Variants in ZNF746 observed in about 807,000 individuals in gnomAD.
The protein encoded by ZNF746 is parkin-interacting substrate.
In ZNF746, 13 loss-of-function variants were observed where a neutral mutation model predicts 41.0. That is an observed-to-expected ratio of 0.32 (90% CI 0.21 to 0.50). ZNF746 has a LOEUF of 0.50. Among genes scored for constraint, ZNF746 ranks in the 20% least tolerant of loss-of-function variants. The pLI is 0.98. For missense variants in ZNF746, 811 were observed against 922.9 expected, an observed-to-expected ratio of 0.88 and a Z score of 1.57; for synonymous variants, 424 against 396.2, an observed-to-expected ratio of 1.07 and a Z score of -0.83.
At position 149,475,359 on chromosome 7, in the gene ZNF746, G is replaced by T; in HGVS notation, c.1008C>A (p.Phe336Leu). The change falls in exon 7 of 7, where the codon TTC becomes TTA. Residue 336 changes from phenylalanine to leucine, a missense_variant. This residue lies in a region of ZNF746 where 495 missense variants were observed against 481.6 expected (regional missense o/e 1.03). Coordinates refer to ENST00000458143, the MANE Select transcript of ZNF746 (RefSeq NM_001394198.1). ...LFGPGQATRF[F>L]PSPAQEGAWE... ...AGGCTCCTTCCTGGGCAGGACTAGG[G>T]AAGAACCGTGTGGCTTGGCCTGGTC... is the stretch of plus-strand genomic sequence containing the variant. 1 of 1,614,148 alleles carries T rather than the reference G, an allele frequency of 6.2e-7. No homozygotes were observed. The highest frequency in any genetic ancestry group is 8.5e-7 in the Non-Finnish European group (1 of 1,180,020).
In ZNF746 at chr7:149,476,937, C is replaced by T. The variant is rs1800320038; in HGVS notation, c.868G>A (p.Ala290Thr). The change falls in exon 6 of 7, where the codon GCA (alanine) becomes ACA (threonine). Residue 290 changes from alanine to threonine, a missense_variant. This residue lies in a region of ZNF746 where 495 missense variants were observed against 481.6 expected (regional missense o/e 1.03). Transcript: ENST00000458143. Reference protein sequence around the residue: ...CSDGTLKLNTAASTEADVKIV... With the variant: ...CSDGTLKLNTTASTEADVKIV... ...CCACCTGTACCTTCCGTGGAGGCTG[C>T]TGTGTTGAGCTTCAGGGTCCCGTCC... 1.2e-5 allele frequency: 19 copies of T among 1,613,890 alleles called. No individual in the cohort carries two copies. Among genetic ancestry groups the T allele is most frequent in the Non-Finnish European group, 1.4e-5 (17 of 1,179,978 alleles).
intron 4 of ZNF746, among the ~76,000 whole-genome samples, chr7:149,492,288 T>C (rs548018936): frequency 6.6e-6 from 1 of 152,340 alleles, no homozygotes; most frequent in South Asian, 2.1e-4. Context: ...TTTATGATGC[T>C]CCACTTCCAC....
chr7:149,473,914 A>G lies in ZNF746; in HGVS notation c.*470T>C. 1 of 187,396 alleles carries G rather than the reference A, an allele frequency of 5.3e-6. No individual in the cohort carries two copies. The highest frequency in any genetic ancestry group is 5.3e-5 in the Admixed American group (1 of 18,734). The allele number at this position is 187,396 out of a possible 1,614,324, so 11.6% of individuals were successfully genotyped here. A position where few individuals can be genotyped will look rare whatever the true frequency, so the allele number is the denominator to read the frequency against. On this transcript the variant is annotated 3_prime_UTR_variant, in exon 7 of 7. Coordinates refer to ENST00000458143, the MANE Select transcript of ZNF746 (RefSeq NM_001394198.1). ...GGGGCTTGGTGCGCTAGGCCCACTC[A>G]GCCCAACTGGGCAGAGCAGGGGCAC...
chr7:149,494,237 C>T lies in ZNF746; in HGVS notation c.291G>A (p.Arg97=). Residue 97 remains arginine, a synonymous_variant, in exon 2 of 7, where the codon CGG becomes CGA. Transcript: ENST00000458143. This position sits in a 1 kb window ranked among gnomAD's most constrained non-coding sequence, Gnocchi z 5.6. ...LLRNRNFWIL[R]LPPGSKGESP... is the part of the protein sequence containing the mutation. ...ACTCCCCCTTGCTGCCCGGGGGCAG[C>T]CGCAGGATCCAGAAGTTCCTGTTGC... is the stretch of plus-strand genomic sequence containing the variant. 6.2e-7 allele frequency: 1 copy of T among 1,614,180 alleles called. No homozygotes were observed. Among genetic ancestry groups the T allele is most frequent in the South Asian group, 1.1e-5 (1 of 91,078 alleles).
intron 4 of ZNF746, among the ~76,000 whole-genome samples, chr7:149,478,313 G>C (rs1027412886): frequency 2.0e-5 from 3 of 152,186 alleles, no homozygotes; most frequent in Admixed American, 1.3e-4. Flanking sequence ...CCTGCCTGAA[G>C]CCAGGAGTCA....
chr7:149,476,747 A>G (rs1202461870), intron 6 of ZNF746, among the ~76,000 whole-genome samples, 175 bp downstream of exon 6: 5 of 152,222 alleles, frequency 3.3e-5, no homozygotes, highest in African/African-American at 1.2e-4. Flanking sequence ...GCTGACACCT[A>G]TGATTTGGCA....
Position 149,497,003 on chromosome 7 carries a change from A to T in ZNF746, c.24+510T>A. 1.0e-6 allele frequency: 1 copy of T among 985,368 alleles called. No homozygotes were observed. The highest frequency in any genetic ancestry group is 1.2e-6 in the Non-Finnish European group (1 of 829,918). The allele number at this position is 985,368 out of a possible 1,614,324, so 61.0% of individuals were successfully genotyped here. ...ACAGGCTTGCTGTGAGGACAGACTA[A>T]CGCCTCAACAGGGCTTGTGGAAGTG... On this transcript the variant is annotated intron_variant, in intron 1 of 6. Coordinates refer to ENST00000458143, the MANE Select transcript of ZNF746 (RefSeq NM_001394198.1). This position sits in a 1 kb window ranked among gnomAD's most constrained non-coding sequence, Gnocchi z 4.2.
At chr7:149,481,789 G>A (rs1800492802) in intron 4 of ZNF746, among the ~76,000 whole-genome samples, 1 of 152,088 alleles carries the variant, frequency 6.6e-6, no homozygotes, top group Non-Finnish European at 1.5e-5. Flanking sequence ...AATTCCCAAA[G>A]GAGAGGCAGG....
chr7:149,486,421 AAAAAG>A (rs1220354378), intron 4 of ZNF746, among the ~76,000 whole-genome samples: 2 of 152,056 alleles, frequency 1.3e-5, no homozygotes, highest in East Asian at 1.9e-4. Context: ...CAAAAAAAAA[AAAAAG>A]AAAAGAAAAG....
chr7:149,475,603 G>C (rs1800274358), intron 6 of ZNF746, 120 bp from the exon 7 acceptor site: 9 of 1,488,120 alleles, frequency 6.0e-6, no homozygotes, highest in Non-Finnish European at 8.0e-6. Context: ...GGCCCTCGTG[G>C]CTGAGCCCAG....
At chr7:149,488,384 A>T (rs1399077141) in intron 4 of ZNF746, 2 of 152,232 alleles carry the variant, frequency 1.3e-5, no homozygotes, top group Non-Finnish European at 2.9e-5. Flanking sequence ...AAAGGAAAAG[A>T]CTGACATGTT....
Position 149,497,001 on chromosome 7 carries a change from T to C in ZNF746, c.24+512A>G. ...CCACAGGCTTGCTGTGAGGACAGAC[T>C]AACGCCTCAACAGGGCTTGTGGAAG... On this transcript the variant is annotated intron_variant, in intron 1 of 6. Coordinates refer to ENST00000458143, the MANE Select transcript of ZNF746 (RefSeq NM_001394198.1). This position sits in a 1 kb window ranked among gnomAD's most constrained non-coding sequence, Gnocchi z 4.2. 1 of 985,354 alleles carries C rather than the reference T, an allele frequency of 1.0e-6. No individual in the cohort carries two copies. The highest frequency in any genetic ancestry group is 1.1e-4 in the East Asian group (1 of 8,798). 61.0% of individuals were successfully genotyped at this position (985,354 alleles called of 1,614,324 possible). A position where few individuals can be genotyped will look rare whatever the true frequency, so the allele number is the denominator to read the frequency against.
chr7:149,479,805 T>C (rs769484110), intron 4 of ZNF746, among the ~76,000 whole-genome samples: 1 of 151,678 alleles, frequency 6.6e-6, no homozygotes, highest in Non-Finnish European at 1.5e-5. Context: ...GAGGCTGAGG[T>C]GGGAGGAGCT....
chr7:149,479,112 A>G lies in ZNF746; in HGVS notation c.566-1357T>C, dbSNP rs370547590. Among the ~76,000 whole-genome samples the G allele has an allele frequency of 2.3e-3, 349 of 152,128 alleles. 15 individuals are homozygous for G. The South Asian group carries it at 0.07, about 31-fold the overall frequency. ...AGAAATGAGTAATGGCAATAGGTAA[A>G]GAAATAATGGTTGAGAATTTTCCAA... is the stretch of plus-strand genomic sequence containing the variant. On this transcript the variant is annotated intron_variant, in intron 4 of 6. Coordinates refer to ENST00000458143, the MANE Select transcript of ZNF746 (RefSeq NM_001394198.1).
intron 4 of ZNF746, among the ~76,000 whole-genome samples, chr7:149,479,942 C>A (rs1252404266): frequency 2.0e-5 from 3 of 152,068 alleles, no homozygotes; most frequent in Non-Finnish European, 4.4e-5. Context: ...ACATAGAAGA[C>A]CCTGTCTCCA....
rs1349450089 is a variant in ZNF746, at chr7:149,475,087, A to C, written c.1280T>G (p.Ile427Ser). ...CCTTGGGGCCTGGCTGGGGTCCAAGATGGCCTCTCCGTTGTCCGGGGAGGA... is the reference window on the plus strand; with the variant it reads ...CCTTGGGGCCTGGCTGGGGTCCAAGCTGGCCTCTCCGTTGTCCGGGGAGGA... The part of the protein sequence containing the change: ...PYSSPDNGEA[I>S]LDPSQAPRPF... Residue 427 changes from isoleucine (I) to serine (S), a missense_variant, in exon 7 of 7, where the codon ATC (isoleucine) becomes AGC (serine). Ile to Ser is a moderately radical substitution (Grantham distance 142). Around this residue, in one of 4 missense-constraint regions of ZNF746, gnomAD observed 495 missense variants for 481.6 expected, o/e 1.03. Transcript: ENST00000458143. 1 of 1,602,582 alleles carries C rather than the reference A, an allele frequency of 6.2e-7. No homozygotes were observed. The highest frequency in any genetic ancestry group is 8.5e-7 in the Non-Finnish European group (1 of 1,175,442).
At chr7:149,477,827 G>A (rs1233031476) in intron 4 of ZNF746, 72 bp from the exon 5 acceptor site, 19 of 1,321,846 alleles carry the variant, frequency 1.4e-5, no homozygotes, top group Middle Eastern at 2.7e-4. Context: ...GCATCCAGCC[G>A]GAGAGATAGA....
rs546201341 is a variant in ZNF746, at chr7:149,491,995, A to C, written c.565+864T>G. On this transcript the variant is annotated intron_variant, in intron 4 of 6. Transcript: ENST00000458143. Reference sequence around the variant, plus strand: ...CCTTAAATAAATGTGTGCTTCTAATAATACCAAACCATAAGGCTGACCAAT... The same window carrying C: ...CCTTAAATAAATGTGTGCTTCTAATCATACCAAACCATAAGGCTGACCAAT... 5 of 702,996 alleles carry C rather than the reference A, an allele frequency of 7.1e-6. 1 individual carries two copies. In the Middle Eastern group the frequency reaches 6.9e-4, roughly 97 times the overall value. The allele number at this position is 702,996 out of a possible 1,614,324, so 43.5% of individuals were successfully genotyped here.
intron 4 of ZNF746, among the ~76,000 whole-genome samples, chr7:149,485,295 T>C (rs1053156260): frequency 1.3e-5 from 2 of 152,088 alleles, no homozygotes; most frequent in African/African-American, 4.8e-5. Context: ...ATAGTAAAAG[T>C]GTCAATTCTC....
Sources: allele counts gnomAD v4.1 joint callset (sites outside exome capture counted in the v4.1 genomes callset), GRCh38; gene constraint gnomAD v4.1.1; regional missense constraint gnomAD v4.1.1; non-coding constraint Gnocchi (gnomAD v3.1); transcripts MANE v1.5; gene names NCBI Gene and HGNC (gene_info 2026-07-23, HGNC 2026-07-21).